RGS7: variants seen among roughly 807,000 people sequenced by gnomAD.
RGS7 encodes regulator of G protein signaling 7, also known as regulator of G-protein signaling 7.
A neutral mutation model predicts 81.1 loss-of-function variants in RGS7; 27 were observed. That is an observed-to-expected ratio of 0.33 (90% CI 0.25 to 0.46). RGS7 has a LOEUF of 0.46. Ranked by LOEUF, RGS7 falls within the 20% of genes least tolerant of loss-of-function variation. The probability of loss-of-function intolerance (pLI) is 1.00; values close to 1 mark genes in which losing one functional copy is unlikely to be tolerated. For synonymous variants in RGS7, 208 were observed against 207.7 expected, an observed-to-expected ratio of 1.00 and a Z score of -0.01; for missense variants, 396 against 607.4, an observed-to-expected ratio of 0.65 and a Z score of 3.66.
intron 2 of RGS7, among the ~76,000 whole-genome samples, chr1:241,160,125 A>AAAAAAAAAAAAG (rs1553271928): frequency 9.1e-4 from 129 of 141,288 alleles, no homozygotes; most frequent in Middle Eastern, 3.7e-3. Context: ...AAAAAAAAAA[A>AAAAAAAAAAAAG]AAAAAGAAAA....
At chr1:241,244,433 G>A (rs902617806) in intron 2 of RGS7, among the ~76,000 whole-genome samples, 3 of 152,016 alleles carry the variant, frequency 2.0e-5, no homozygotes, top group African/African-American at 4.8e-5. Context: ...TTAGAATGGC[G>A]ATCATTAAAA....
intron 2 of RGS7, among the ~76,000 whole-genome samples, chr1:241,207,959 G>A (rs2074017923): frequency 1.3e-5 from 2 of 152,254 alleles, no homozygotes; most frequent in Admixed American, 1.3e-4. Context: ...AGGCTGGAGT[G>A]CAATGGTACG....
intron 9 of RGS7, among the ~76,000 whole-genome samples, chr1:240,836,509 A>T (rs1013721057): frequency 1.2e-4 from 18 of 152,212 alleles, no homozygotes; most frequent in Admixed American, 6.5e-5. Context: ...GTCTGTGGGC[A>T]TGCTGAAGGA....
chr1:241,093,729 T>C (rs999717978), intron 3 of RGS7, among the ~76,000 whole-genome samples: 3 of 152,222 alleles, frequency 2.0e-5, no homozygotes, highest in Non-Finnish European at 2.9e-5. Flanking sequence ...ATTTGAAATC[T>C]GCATTCCTAA....
At chr1:241,122,796 T>A (rs549961135) in intron 2 of RGS7, among the ~76,000 whole-genome samples, 19 of 152,214 alleles carry the variant, frequency 1.2e-4, no homozygotes, top group Non-Finnish European at 1.9e-4. Context: ...GCCTATTTTA[T>A]AATAAAGTGT....
chr1:240,982,203 T>C (rs1393539853), intron 4 of RGS7, among the ~76,000 whole-genome samples: 1 of 151,978 alleles, frequency 6.6e-6, no homozygotes, highest in Non-Finnish European at 1.5e-5. Flanking sequence ...GTGGATCACC[T>C]GAGGTCAGAA....
chr1:240,948,102 G>A (rs978203639), intron 4 of RGS7, among the ~76,000 whole-genome samples: 1 of 152,156 alleles, frequency 6.6e-6, no homozygotes, highest in East Asian at 1.9e-4. Context: ...AGAAGACCGC[G>A]TATCTTTTAG....
intron 3 of RGS7, among the ~76,000 whole-genome samples, chr1:241,040,834 A>G (rs144966103): frequency 1.3e-5 from 2 of 152,278 alleles, no homozygotes; most frequent in East Asian, 3.9e-4. Flanking sequence ...AAAGCTTTCT[A>G]TTCTCAGAAG....
intron 2 of RGS7, among the ~76,000 whole-genome samples, chr1:241,336,996 T>C (rs547326014): frequency 6.6e-6 from 1 of 152,216 alleles, no homozygotes; most frequent in East Asian, 1.9e-4. Context: ...TTGGTATAGT[T>C]TAGAGAAAAA....
rs957380372 is a variant in RGS7, at chr1:240,814,810, G to A, written c.784-33C>T. 4.5e-6 allele frequency: 6 copies of A among 1,334,116 alleles called. No individual in the cohort carries two copies. The African/African-American group carries it at 5.8e-5, about 13-fold the overall frequency. The allele number at this position is 1,334,116 out of a possible 1,614,324, so 82.6% of individuals were successfully genotyped here. ...GAGGGTTAGAGAAGGAGTTACATAA[G>A]TAATGACATTTTCACAATTTTCCAC... On this transcript the variant is annotated intron_variant, in intron 11 of 18. Transcript: ENST00000440928.
In RGS7 at chr1:241,098,710, C is replaced by T. The variant is rs751658199; in HGVS notation, c.131G>A (p.Arg44His). 9.3e-6 allele frequency: 15 copies of T among 1,613,490 alleles called. No individual in the cohort carries two copies. Among genetic ancestry groups the T allele is most frequent in the South Asian group, 2.2e-5 (2 of 91,074 alleles). ...MQDEKNGIPI[R>H]TVKSFLSKIP... is the part of the protein sequence containing the mutation. ...CTTGGAAAGAAAGCTTTTGACCGTA[C>T]GAATAGGAATTCCATTTTTTTCATC... The change falls in exon 3 of 19, where the codon CGT becomes CAT. Residue 44 changes from arginine (R) to histidine (H), a missense_variant. Transcript: ENST00000440928.
Position 241,004,699 on chromosome 1 carries a change from G to A in RGS7, c.176-21570C>T, listed in dbSNP as rs180850867. Among the ~76,000 whole-genome samples, 839 of 138,376 alleles carry A rather than the reference G, an allele frequency of 6.1e-3. 5 individuals carry two copies. The highest frequency in any genetic ancestry group is 7.1e-3 in the Non-Finnish European group (483 of 67,946). 90.8% of individuals were successfully genotyped at this position (138,376 alleles called of 152,430 possible). ...AGACTGAGTGGGGAAGCCCAGCAACGCCTGTCCCTCTAGATTCTTCTGGCC... is the reference window on the plus strand; with the variant it reads ...AGACTGAGTGGGGAAGCCCAGCAACACCTGTCCCTCTAGATTCTTCTGGCC... On this transcript the variant is annotated intron_variant, in intron 3 of 18. Transcript: ENST00000440928.
At chr1:241,197,110 C>T (rs541010429) in intron 2 of RGS7, among the ~76,000 whole-genome samples, 3 of 151,230 alleles carry the variant, frequency 2.0e-5, no homozygotes, top group Admixed American at 6.6e-5. Context: ...ACTAAACACT[C>T]CAATTAAATA....
chr1:240,877,596 T>C (rs1303363413), intron 6 of RGS7, among the ~76,000 whole-genome samples: 2 of 152,202 alleles, frequency 1.3e-5, no homozygotes, highest in African/African-American at 4.8e-5. Flanking sequence ...TTTTAAAAAA[T>C]TATTTCATGG....
rs2068458789 is a variant in RGS7 at position 241,147,849 on chromosome 1, T to G, written c.79-49087A>C. On this transcript the variant is annotated intron_variant, in intron 2 of 18. Coordinates refer to ENST00000440928, the MANE Select transcript of RGS7 (RefSeq NM_001364886.1). ...GAATCAATGCAATATCATATAGGTC[T>G]CAAAATACGTTATTTTCTTACTCCT... Among the ~76,000 whole-genome samples the G allele has an allele frequency of 1.5e-5, 2 of 129,122 alleles. 1 individual carries two copies. The highest frequency in any genetic ancestry group is 5.2e-4 in the South Asian group (2 of 3,856). 84.7% of individuals were successfully genotyped at this position (129,122 alleles called of 152,430 possible). A position where few individuals can be genotyped will look rare whatever the true frequency, so the allele number is the denominator to read the frequency against.
chr1:241,068,828 GC>G (rs2062251114), intron 3 of RGS7, among the ~76,000 whole-genome samples: 1 of 152,192 alleles, frequency 6.6e-6, no homozygotes, highest in Admixed American at 6.5e-5. Flanking sequence ...TGGAGGCGGG[GC>G]CTGTTGGGAG....
intron 6 of RGS7, among the ~76,000 whole-genome samples, chr1:240,900,740 C>T (rs1157608084): frequency 6.6e-6 from 1 of 152,174 alleles, no homozygotes; most frequent in African/African-American, 2.4e-5. Context: ...ACTCGGGGGT[C>T]AGGGACCCAC....
chr1:240,942,676 A>G (rs1251670756), intron 4 of RGS7, among the ~76,000 whole-genome samples: 2 of 152,218 alleles, frequency 1.3e-5, no homozygotes, highest in Non-Finnish European at 2.9e-5. Context: ...AATGAAGACA[A>G]AGGTAAGTTA....
intron 2 of RGS7, among the ~76,000 whole-genome samples, chr1:241,304,173 C>T (rs1177636999): frequency 6.6e-6 from 1 of 152,204 alleles, no homozygotes; most frequent in Non-Finnish European, 1.5e-5. Flanking sequence ...TTAAGTCATT[C>T]TCTATTCTCC....
Sources: gnomAD v4.1 joint callset for allele counts (sites outside exome capture counted in the v4.1 genomes callset) on GRCh38, gnomAD v4.1.1 for gene constraint, MANE v1.5 for transcripts, NCBI Gene and HGNC (gene_info 2026-07-23, HGNC 2026-07-21) for gene names.